Variants in CSNK1D observed in about 807,000 individuals in gnomAD.
CSNK1D encodes casein kinase I isoform delta.
In CSNK1D, 16 loss-of-function variants were observed where a neutral mutation model predicts 46.6. That is an observed-to-expected ratio of 0.34 (90% confidence interval 0.23 to 0.52). The LOEUF (loss-of-function observed/expected upper bound fraction) is 0.52, where lower values mean the gene tolerates loss of function less well. Among genes scored for constraint, CSNK1D ranks in the 20% least tolerant of loss-of-function variants. The pLI is 0.95. For synonymous variants in CSNK1D, 276 were observed against 228.2 expected, an observed-to-expected ratio of 1.21 and a Z score of -1.89; for missense variants, 398 against 578.4, an observed-to-expected ratio of 0.69 and a Z score of 3.20.
intron 1 of CSNK1D, among the ~76,000 whole-genome samples, chr17:82,266,145 C>T (rs902881427): frequency 6.6e-6 from 1 of 152,228 alleles, no homozygotes; most frequent in East Asian, 1.9e-4. Context: ...CCGCCCCAGA[C>T]AGCCTGTGGT....
At chr17:82,241,883 G>A (rs1370861177), downstream of CSNK1D, among the ~76,000 whole-genome samples, 1 of 152,212 alleles carries the variant, frequency 6.6e-6, no homozygotes, top group Admixed American at 6.5e-5. Flanking sequence ...CAGAGTTGGC[G>A]GGACAGCCCC....
At chr17:82,242,550 C>G (rs1350186854), downstream of CSNK1D, 1 of 803,730 alleles carries the variant, frequency 1.2e-6, no homozygotes, top group Non-Finnish European at 1.5e-6. Flanking sequence ...CCCAGACACC[C>G]ACAGGCTGAG....
Position 82,249,646 on chromosome 17 carries a change from A to G in CSNK1D, c.886-44T>C. 1 of 1,547,576 alleles carries G rather than the reference A, an allele frequency of 6.5e-7. No individual in the cohort carries two copies. The highest frequency in any genetic ancestry group is 8.7e-7 in the Non-Finnish European group (1 of 1,151,892). ...AGGCCGGAATGGAACCAGCTTTGGC[A>G]GAAAGCAACCCTAGGTCCTAGGCTG... is the stretch of plus-strand genomic sequence containing the variant. On this transcript the variant is annotated intron_variant, in intron 6 of 8. Coordinates refer to ENST00000314028, the MANE Select transcript of CSNK1D (RefSeq NM_001893.6). The surrounding 1 kb of genome is among the most constrained non-coding windows in gnomAD (Gnocchi z 6.7).
chr17:82,272,188 T>C (rs2051642760), intron 1 of CSNK1D: 2 of 152,360 alleles, frequency 1.3e-5, no homozygotes, highest in East Asian at 3.9e-4. Flanking sequence ...CTACTAAAAA[T>C]ACGAAATTAG....
Position 82,254,457 on chromosome 17 carries a change from G to A in CSNK1D, c.336+972C>T, listed in dbSNP as rs1489461626. On this transcript the variant is annotated intron_variant, in intron 3 of 8. Transcript: ENST00000314028. ...CGAGAAGCCAGTCAGCTGAGCCGCCGGAGCCTGGAGAAGCCAGTGCGCTGA... is the reference window on the plus strand; with the variant it reads ...CGAGAAGCCAGTCAGCTGAGCCGCCAGAGCCTGGAGAAGCCAGTGCGCTGA... 2.6e-5 allele frequency: 7 copies of A among 270,180 alleles called. 1 individual carries two copies. Among genetic ancestry groups the A allele is most frequent in the South Asian group, 5.7e-5 (2 of 35,136 alleles). The allele number at this position is 270,180 out of a possible 1,614,324, so 16.7% of individuals were successfully genotyped here. A position where few individuals can be genotyped will look rare whatever the true frequency, so the allele number is the denominator to read the frequency against.
chr17:82,245,510 G>C (rs1312218522), intron 8 of CSNK1D: 1 of 221,130 alleles, frequency 4.5e-6, no homozygotes, highest in African/African-American at 2.3e-5. Context: ...GCATGGCAGA[G>C]ACTGCCCAGA....
At position 82,253,159 on chromosome 17, in the gene CSNK1D, T is replaced by C. The variant is rs778084733; in HGVS notation, c.422A>G (p.Lys141Arg). The change falls in exon 4 of 9, where the codon AAG becomes AGG. Residue 141 changes from lysine (K) to arginine (R), a missense_variant. Transcript: ENST00000314028. ...GTCGATGATGTACACCAGGTTGCCC[T>C]TCTTCCCCAGGCCCATGAGGAAGTT... ...PDNFLMGLGKKGNLVYIIDFG... is the reference protein window; with the variant it reads ...PDNFLMGLGKRGNLVYIIDFG... 1.9e-6 allele frequency: 3 copies of C among 1,614,112 alleles called. No individual in the cohort carries two copies. Among genetic ancestry groups the C allele is most frequent in the Non-Finnish European group, 2.5e-6 (3 of 1,180,030 alleles).
At chr17:82,267,678 A>G (rs544533574) in intron 1 of CSNK1D, among the ~76,000 whole-genome samples, 1 of 152,320 alleles carries the variant, frequency 6.6e-6, no homozygotes, top group African/African-American at 2.4e-5. Context: ...GTAAATGAAA[A>G]ACCACTCTGA....
At chr17:82,260,884 ATCTT>A (rs1300067471) in intron 2 of CSNK1D, 2 of 154,886 alleles carry the variant, frequency 1.3e-5, no homozygotes, top group Admixed American at 6.5e-5. Context: ...TACTGACACC[ATCTT>A]TCTTTAACAG....
downstream of CSNK1D, chr17:82,239,948 G>T (rs1281597661): frequency 8.2e-7 from 1 of 1,216,490 alleles, no homozygotes; most frequent in Non-Finnish European, 1.0e-6. Context: ...TGCGTGGCTG[G>T]GAGCCCGGTC....
downstream of CSNK1D, among the ~76,000 whole-genome samples, chr17:82,241,435 G>A (rs956042379): frequency 4.6e-5 from 7 of 152,244 alleles, no homozygotes; most frequent in African/African-American, 1.7e-4. Context: ...GCCAGACTCA[G>A]GTTCAGAGAA....
In CSNK1D at chr17:82,255,459, G is replaced by A. The variant is rs754377044; in HGVS notation, c.306C>T (p.Leu102=). 2.5e-6 allele frequency: 4 copies of A among 1,614,196 alleles called. No homozygotes were observed. In the South Asian group the frequency reaches 3.3e-5, roughly 13 times the overall value. ...LFNFCSRKFS[L]KTVLLLADQM... is the part of the protein sequence containing the mutation. ...GGTCAGCAAGCAGCAGGACGGTTTT[G>A]AGGCTGAATTTCCTGGAGCAGAAGT... The change falls in exon 3 of 9, where the codon CTC becomes CTT. Residue 102 remains leucine (L), a synonymous_variant. Coordinates refer to ENST00000314028, the MANE Select transcript of CSNK1D (RefSeq NM_001893.6). The surrounding 1 kb of genome is among the most constrained non-coding windows in gnomAD (Gnocchi z 5.9).
At position 82,247,784 on chromosome 17, in the gene CSNK1D, A is replaced by G. The variant is rs2050888639; in HGVS notation, c.1197+1091T>C. The G allele has an allele frequency of 1.4e-5, 14 of 985,436 alleles. No individual in the cohort carries two copies. In the South Asian group the frequency reaches 1.9e-4, roughly 13 times the overall value. 61.0% of individuals were successfully genotyped at this position (985,436 alleles called of 1,614,324 possible). ...CCTCGAGCCCAATTCATATAACCACAAAGTCAAAATAACCACGAAGCCAAA... is the reference window on the plus strand; with the variant it reads ...CCTCGAGCCCAATTCATATAACCACGAAGTCAAAATAACCACGAAGCCAAA... On this transcript the variant is annotated intron_variant, in intron 8 of 8. Coordinates refer to ENST00000314028, the MANE Select transcript of CSNK1D (RefSeq NM_001893.6).
chr17:82,273,175 C>A lies in CSNK1D; in HGVS notation c.76+131G>T. ...AGCCTAGTGGCCGTTGGGTTCTGGC[C>A]ACGATCCGGCGGTGCCGGGACTTGC... is the stretch of plus-strand genomic sequence containing the variant. On this transcript the variant is annotated intron_variant, in intron 1 of 8. Coordinates refer to ENST00000314028, the MANE Select transcript of CSNK1D (RefSeq NM_001893.6). This position sits in a 1 kb window ranked among gnomAD's most constrained non-coding sequence, Gnocchi z 5.1. 1.0e-6 allele frequency: 1 copy of A among 974,078 alleles called. No homozygotes were observed. The highest frequency in any genetic ancestry group is 1.5e-6 in the Non-Finnish European group (1 of 659,122). 60.3% of individuals were successfully genotyped at this position (974,078 alleles called of 1,614,324 possible). A position where few individuals can be genotyped will look rare whatever the true frequency, so the allele number is the denominator to read the frequency against.
downstream of CSNK1D, among the ~76,000 whole-genome samples, chr17:82,241,007 G>A (rs1209907115): frequency 6.6e-6 from 1 of 152,152 alleles, no homozygotes; most frequent in Non-Finnish European, 1.5e-5. Flanking sequence ...GTGGGCTGCA[G>A]AGCTATCCCC....
At chr17:82,245,590 A>G in intron 8 of CSNK1D, 1 of 323,810 alleles carries the variant, frequency 3.1e-6, no homozygotes, top group South Asian at 2.7e-5. Flanking sequence ...CAGGACACAG[A>G]CGCCCCTCCA....
At chr17:82,247,287 C>T in intron 8 of CSNK1D, 1 of 985,428 alleles carries the variant, frequency 1.0e-6, no homozygotes, top group Non-Finnish European at 1.2e-6. Context: ...TCACGGCCAC[C>T]TTGGGGGCTG....
rs1242622643 is a variant in CSNK1D, at chr17:82,248,312, G to C, written c.1197+563C>G. The stretch of plus-strand genomic sequence containing the variant: ...AGAGACCGCTGCAGGATGCTGAAGA[G>C]GCGGTGGCCGTGGCTAGGCCTGGGC... On this transcript the variant is annotated intron_variant, in intron 8 of 8. Coordinates refer to ENST00000314028, the MANE Select transcript of CSNK1D (RefSeq NM_001893.6). This position sits in a 1 kb window ranked among gnomAD's most constrained non-coding sequence, Gnocchi z 4.1. 1 of 989,788 alleles carries C rather than the reference G, an allele frequency of 1.0e-6. No individual in the cohort carries two copies. Among genetic ancestry groups the C allele is most frequent in the South Asian group, 4.5e-5 (1 of 22,002 alleles). The allele number at this position is 989,788 out of a possible 1,614,324, so 61.3% of individuals were successfully genotyped here.
Position 82,243,948 on chromosome 17 carries a change from G to A in CSNK1D, c.*833C>T, listed in dbSNP as rs1216393773. 2 of 985,830 alleles carry A rather than the reference G, an allele frequency of 2.0e-6. No homozygotes were observed. Among genetic ancestry groups the A allele is most frequent in the Non-Finnish European group, 2.4e-6 (2 of 830,230 alleles). The allele number at this position is 985,830 out of a possible 1,614,324, so 61.1% of individuals were successfully genotyped here. On this transcript the variant is annotated 3_prime_UTR_variant, in exon 9 of 9. Transcript: ENST00000314028. ...TCTGCTTCCAAGCTCTCAGCTGCCT[G>A]CCCACCTCCTGGGGAAGAAGCGCGC...
Sources: gnomAD v4.1 joint callset for allele counts (sites outside exome capture counted in the v4.1 genomes callset) on GRCh38, gnomAD v4.1.1 for gene constraint, Gnocchi (gnomAD v3.1) non-coding constraint, MANE v1.5 for transcripts, NCBI Gene and HGNC (gene_info 2026-07-23, HGNC 2026-07-21) for gene names.